The following ANTXR1 variants were observed in gnomAD, a reference collection of about 807,000 sequenced individuals.
ANTXR1 encodes the protein ANTXR cell adhesion molecule 1.
Under a neutral mutation model 78.1 loss-of-function variants are expected in ANTXR1, and 19 were observed. The observed-to-expected ratio is 0.24, with a 90% CI of 0.17 to 0.36. The LOEUF is 0.36. Ranked by LOEUF, ANTXR1 falls within the 10% of genes least tolerant of loss-of-function variation. The pLI, the probability that ANTXR1 is intolerant of heterozygous loss-of-function variation, is 1.00. For synonymous variants in ANTXR1, 273 were observed against 260.5 expected (o/e 1.05, Z -0.46); for missense variants, 518 against 718.6 (o/e 0.72, Z 3.19).
At position 69,090,908 on chromosome 2, in the gene ANTXR1, T is replaced by C; in HGVS notation, c.692T>C (p.Ile231Thr). 6.2e-7 allele frequency: 1 copy of C among 1,612,958 alleles called. No homozygotes were observed. Among genetic ancestry groups the C allele is most frequent in the Non-Finnish European group, 8.5e-7 (1 of 1,179,958 alleles). ...IEILAAEPST[I>T]CAGESFQVVV... ...ATTCTAGCAGCTGAACCATCCACCA[T>C]ATGTGCAGGAGGTAAATTGAAATGA... The change falls in exon 9 of 18, where the codon ATA (isoleucine) becomes ACA (threonine). Residue 231 changes from isoleucine to threonine, a missense_variant. By Grantham distance (89) the Ile-to-Thr change is moderately conservative. Around this residue, in one of 5 missense-constraint regions of ANTXR1, gnomAD observed 264 missense variants for 391.8 expected, o/e 0.67. Coordinates refer to ENST00000303714, the MANE Select transcript of ANTXR1 (RefSeq NM_032208.3).
chr2:69,075,795 G>A, intron 7 of ANTXR1, 137 bp downstream of exon 7: 1 of 859,660 alleles, frequency 1.2e-6, no homozygotes, highest in Non-Finnish European at 2.0e-6. Flanking sequence ...TGCTAAACAG[G>A]AAGGAATTAC....
chr2:69,156,512 A>G (rs926974303), intron 13 of ANTXR1, among the ~76,000 whole-genome samples: 1 of 152,052 alleles, frequency 6.6e-6, no homozygotes, highest in African/African-American at 2.4e-5. Flanking sequence ...TATACCTGAG[A>G]CTGGGTAATT....
At chr2:69,191,761 A>G (rs1002460648) in intron 16 of ANTXR1, among the ~76,000 whole-genome samples, 1 of 152,234 alleles carries the variant, frequency 6.6e-6, no homozygotes, top group African/African-American at 2.4e-5. Context: ...AAGCGCTTTC[A>G]CCAGAAGATC....
chr2:69,154,342 C>T (rs1444631357), intron 13 of ANTXR1, among the ~76,000 whole-genome samples: 1 of 152,192 alleles, frequency 6.6e-6, no homozygotes, highest in East Asian at 1.9e-4. Flanking sequence ...TGCCTCCTCT[C>T]ACTCTTTCTG....
At chr2:69,076,640 AAGAT>A (rs904130795) in intron 7 of ANTXR1, among the ~76,000 whole-genome samples, 12 of 152,356 alleles carry the variant, frequency 7.9e-5, no homozygotes, top group South Asian at 2.1e-4. Context: ...ATGGCTAATA[AAGAT>A]AGATAGATGA....
At chr2:69,201,016 A>C (rs570228684) in intron 17 of ANTXR1, among the ~76,000 whole-genome samples, 2 of 152,292 alleles carry the variant, frequency 1.3e-5, no homozygotes, top group East Asian at 3.9e-4. Context: ...CATTCAACCC[A>C]TAGTTGTTAG....
chr2:69,038,466 C>G (rs1006179311), intron 1 of ANTXR1, among the ~76,000 whole-genome samples: 1 of 152,126 alleles, frequency 6.6e-6, no homozygotes, highest in Non-Finnish European at 1.5e-5. Flanking sequence ...GCTTTTGACC[C>G]TTTTTACAGT....
chr2:69,091,140 G>A, intron 9 of ANTXR1, among the ~76,000 whole-genome samples: 1 of 149,404 alleles, frequency 6.7e-6, no homozygotes, highest in Non-Finnish European at 1.5e-5. Context: ...AAAAAAATCT[G>A]TCCAAATTCT....
intron 10 of ANTXR1, among the ~76,000 whole-genome samples, chr2:69,106,032 A>G (rs1192253734): frequency 6.6e-6 from 1 of 152,256 alleles, no homozygotes; most frequent in African/African-American, 2.4e-5. Flanking sequence ...AAAGTTAGAG[A>G]TATAGAGCAT....
At chr2:69,207,375 G>A (rs972111025) in intron 17 of ANTXR1, among the ~76,000 whole-genome samples, 155 of 152,198 alleles carry the variant, frequency 1.0e-3, no homozygotes, top group Middle Eastern at 3.4e-3. Flanking sequence ...ATGAAAAAAC[G>A]CAGCTTTCCA....
At chr2:69,200,043 C>T (rs1185347201) in intron 17 of ANTXR1, among the ~76,000 whole-genome samples, 1 of 152,152 alleles carries the variant, frequency 6.6e-6, no homozygotes, top group Non-Finnish European at 1.5e-5. Flanking sequence ...GGATGGAATT[C>T]AATCATCTAC....
At chr2:69,061,586 A>G (rs984854546) in intron 3 of ANTXR1, among the ~76,000 whole-genome samples, 6 of 152,044 alleles carry the variant, frequency 3.9e-5, no homozygotes, top group Non-Finnish European at 8.8e-5. Context: ...TTTTAGTCTC[A>G]TTCATTTGAT....
intron 12 of ANTXR1, 77 bp from the exon 13 acceptor site, chr2:69,152,092 C>T: frequency 7.3e-7 from 1 of 1,379,302 alleles, no homozygotes; most frequent in Non-Finnish European, 1.0e-6. Flanking sequence ...ATCTGCATAT[C>T]AGTGATGGGA....
At position 69,096,362 on chromosome 2, in the gene ANTXR1, G is replaced by C. The variant is rs201934311; in HGVS notation, c.703+5443G>C. Among the ~76,000 whole-genome samples the C allele has an allele frequency of 1.8e-3, 94 of 52,556 alleles. 34 individuals are homozygous for C. The highest frequency in any genetic ancestry group is 2.4e-3 in the Non-Finnish European group (71 of 29,664). The allele number at this position is 52,556 out of a possible 152,430, so 34.5% of individuals were successfully genotyped here. A position where few individuals can be genotyped will look rare whatever the true frequency, so the allele number is the denominator to read the frequency against. On this transcript the variant is annotated intron_variant, in intron 9 of 17. Transcript: ENST00000303714. ...GGAGGAAGGGAGGAAGGGAGGAAGG[G>C]AGGAAGGGAGGAAGGAGGGAAGGAA...
chr2:69,241,771 CCA>C (rs1675899687), intron 17 of ANTXR1, among the ~76,000 whole-genome samples: 1 of 152,192 alleles, frequency 6.6e-6, no homozygotes, highest in Non-Finnish European at 1.5e-5. Flanking sequence ...GGCCTTTCCA[CCA>C]CAGACAGGGT....
intron 13 of ANTXR1, among the ~76,000 whole-genome samples, chr2:69,164,136 T>C (rs1490131970): frequency 6.6e-6 from 1 of 152,202 alleles, no homozygotes; most frequent in East Asian, 1.9e-4. Context: ...ATGGAGTCTA[T>C]AATCACAGGG....
At chr2:69,106,041 A>G (rs566814423) in intron 10 of ANTXR1, among the ~76,000 whole-genome samples, 1 of 152,268 alleles carries the variant, frequency 6.6e-6, no homozygotes, top group Non-Finnish European at 1.5e-5. Context: ...GATATAGAGC[A>G]TATATCTTTA....
In ANTXR1 at chr2:69,123,359, T is replaced by C. The variant is rs191380746; in HGVS notation, c.872+273T>C. ...TGTGGCTGCAAGACTTTAAATAGCT[T>C]GCCTAAGGTCACACAGCAGTGAGTG... On this transcript the variant is annotated intron_variant, in intron 11 of 17. Coordinates refer to ENST00000303714, the MANE Select transcript of ANTXR1 (RefSeq NM_032208.3). Among the ~76,000 whole-genome samples, 530 of 152,342 alleles carry C rather than the reference T, an allele frequency of 3.5e-3. 5 individuals carry two copies. Among genetic ancestry groups the C allele is most frequent in the African/African-American group, 0.012 (503 of 41,580 alleles).
chr2:69,212,440 C>G (rs1232395049), intron 17 of ANTXR1, among the ~76,000 whole-genome samples: 1 of 152,198 alleles, frequency 6.6e-6, no homozygotes, highest in Non-Finnish European at 1.5e-5. Context: ...TGGCACCATG[C>G]CACACTTAGC....
Sources: allele counts gnomAD v4.1 joint callset (sites outside exome capture counted in the v4.1 genomes callset), GRCh38; gene constraint gnomAD v4.1.1; regional missense constraint gnomAD v4.1.1; transcripts MANE v1.5; gene names NCBI Gene and HGNC (gene_info 2026-07-23, HGNC 2026-07-21).